The following GPRIN3 variants were observed in gnomAD, a reference collection of about 807,000 sequenced individuals.
The protein encoded by GPRIN3 is G protein-regulated inducer of neurite outgrowth 3.
A neutral mutation model predicts 13.7 loss-of-function variants in GPRIN3; 12 were observed. That is an observed-to-expected ratio of 0.87 (90% confidence interval 0.56 to 1.42). GPRIN3 has a LOEUF of 1.42. GPRIN3 is among the 40% of genes most tolerant of loss of function. The probability of loss-of-function intolerance (pLI) is 0.00; values close to 1 mark genes in which losing one functional copy is unlikely to be tolerated. For synonymous variants in GPRIN3, 377 were observed against 372.7 expected (o/e 1.01, Z -0.13); for missense variants, 1,009 against 958.7 (o/e 1.05, Z -0.69).
chr4:89,238,834 A>G lies in GPRIN3; in HGVS notation c.*8946T>C, dbSNP rs1722850221. ...TTCAATAGCAGTGGAAACAATAATA[A>G]CATCAACAAAAAACAGAATAAATTG... On this transcript the variant is annotated 3_prime_UTR_variant, in exon 2 of 2. Transcript: ENST00000609438. The G allele has an allele frequency of 6.6e-6, 1 of 152,210 alleles. No individual in the cohort carries two copies. Among genetic ancestry groups the G allele is most frequent in the Admixed American group, 6.5e-5 (1 of 15,280 alleles). The allele number at this position is 152,210 out of a possible 1,614,324, so 9.4% of individuals were successfully genotyped here.
At position 89,262,125 on chromosome 4, in the gene GPRIN3, CAAAAAAA is replaced by C. The variant is rs61290252; in HGVS notation, c.-123-11899_-123-11893del. 1.3e-4 allele frequency among the ~76,000 whole-genome samples: 7 copies of C among 53,862 alleles called. No individual in the cohort carries two copies. The East Asian group carries it at 4.0e-3, about 31-fold the overall frequency. The allele number at this position is 53,862 out of a possible 152,430, so 35.3% of individuals were successfully genotyped here. A position where few individuals can be genotyped will look rare whatever the true frequency, so the allele number is the denominator to read the frequency against. On this transcript the variant is annotated intron_variant, in intron 1 of 1. Coordinates refer to ENST00000609438, the MANE Select transcript of GPRIN3 (RefSeq NM_198281.3). The stretch of plus-strand genomic sequence containing the variant: ...TAGATGACGGAGTGAGACCCAGTCT[CAAAAAAA>C]AAAAAAAAAAAAGAATTGATATGGA...
At chr4:89,271,961 T>C (rs1723963272) in intron 1 of GPRIN3, among the ~76,000 whole-genome samples, 1 of 152,126 alleles carries the variant, frequency 6.6e-6, no homozygotes, top group Non-Finnish European at 1.5e-5. Flanking sequence ...TTATTGCTTT[T>C]GTAAAAGAGA....
At position 89,248,589 on chromosome 4, in the gene GPRIN3, C is replaced by A. The variant is rs1306169815; in HGVS notation, c.1522G>T (p.Asp508Tyr). Residue 508 changes from aspartate to tyrosine, a missense_variant, in exon 2 of 2, where the codon GAT (aspartate) becomes TAT (tyrosine). Asp to Tyr is a radical substitution (Grantham distance 160). Transcript: ENST00000609438. ...CCACAAGAGTCAGATAGTTTGCAAT[C>A]TGGGTCTGTTTTGTGGCCGTTTGTC... ...KTTNGHKTDP[D>Y]CKLSDSCGSI... 1 of 1,613,552 alleles carries A rather than the reference C, an allele frequency of 6.2e-7. No homozygotes were observed. Among genetic ancestry groups the A allele is most frequent in the East Asian group, 2.2e-5 (1 of 44,854 alleles).
rs869122962 is a variant in GPRIN3, at chr4:89,281,128, GT to G, written c.-124+26486del. Among the ~76,000 whole-genome samples the G allele has an allele frequency of 2.1e-3, 306 of 143,318 alleles. 1 individual carries two copies. Among genetic ancestry groups the G allele is most frequent in the Non-Finnish European group, 2.2e-3 (142 of 64,894 alleles). 94.0% of individuals were successfully genotyped at this position (143,318 alleles called of 152,430 possible). ...AGAGCAAGGTCCCACATAGTTTCAT[GT>G]TTTTTTTTTTTTAGATAGAGTCTCG... is the stretch of plus-strand genomic sequence containing the variant. On this transcript the variant is annotated intron_variant, in intron 1 of 1. Transcript: ENST00000609438.
chr4:89,262,377 T>A (rs1368043360), intron 1 of GPRIN3, among the ~76,000 whole-genome samples: 1 of 152,064 alleles, frequency 6.6e-6, no homozygotes, highest in Non-Finnish European at 1.5e-5. Flanking sequence ...GGGGACAGAA[T>A]GGATGGAACA....
At chr4:89,279,762 A>C (rs1328769821) in intron 1 of GPRIN3, among the ~76,000 whole-genome samples, 4 of 152,158 alleles carry the variant, frequency 2.6e-5, no homozygotes, top group Non-Finnish European at 5.9e-5. Context: ...TCTCTACAGA[A>C]GTTTCCTCCT....
intron 1 of GPRIN3, among the ~76,000 whole-genome samples, chr4:89,297,957 A>G (rs577875638): frequency 6.6e-6 from 1 of 152,330 alleles, no homozygotes; most frequent in South Asian, 2.1e-4. Flanking sequence ...ATGACAGCAA[A>G]TTATTTATTA....
At chr4:89,298,161 C>A (rs1382939087) in intron 1 of GPRIN3, among the ~76,000 whole-genome samples, 1 of 152,064 alleles carries the variant, frequency 6.6e-6, no homozygotes, top group Non-Finnish European at 1.5e-5. Flanking sequence ...GTACACATAC[C>A]AGCAGACTCT....
At chr4:89,295,435 C>T (rs568906481) in intron 1 of GPRIN3, among the ~76,000 whole-genome samples, 2 of 152,206 alleles carry the variant, frequency 1.3e-5, no homozygotes, top group South Asian at 4.1e-4. Context: ...AGGTCTAGAA[C>T]TCTGTAGCTT....
chr4:89,248,472 T>C lies in GPRIN3; in HGVS notation c.1639A>G (p.Lys547Glu). The C allele has an allele frequency of 6.2e-7, 1 of 1,612,862 alleles. No homozygotes were observed. Among genetic ancestry groups the C allele is most frequent in the Non-Finnish European group, 8.5e-7 (1 of 1,179,536 alleles). ...EKKPASPQVV[K>E]EKESTGTDTS... ...TCAGTGCCAGTAGACTCTTTTTCTTTTACTACCTGAGGAGATGCAGGCTTC... is the reference window on the plus strand; with the variant it reads ...TCAGTGCCAGTAGACTCTTTTTCTTCTACTACCTGAGGAGATGCAGGCTTC... The change falls in exon 2 of 2, where the codon AAA becomes GAA. Residue 547 changes from lysine (K) to glutamate (E), a missense_variant. Transcript: ENST00000609438.
Position 89,250,140 on chromosome 4 carries a change from T to C in GPRIN3, c.-30A>G. ...TTTCTCTTCAGGAGCACTCCAGAGCTCTCTTGAGTACTGGTCCCACTGGTG... is the reference window on the plus strand; with the variant it reads ...TTTCTCTTCAGGAGCACTCCAGAGCCCTCTTGAGTACTGGTCCCACTGGTG... On this transcript the variant is annotated 5_prime_UTR_variant, in exon 2 of 2. Transcript: ENST00000609438. 1 of 1,590,546 alleles carries C rather than the reference T, an allele frequency of 6.3e-7. No individual in the cohort carries two copies. Among genetic ancestry groups the C allele is most frequent in the Non-Finnish European group, 8.6e-7 (1 of 1,167,828 alleles).
intron 1 of GPRIN3, among the ~76,000 whole-genome samples, chr4:89,265,385 T>C (rs1367420815): frequency 6.6e-6 from 1 of 152,204 alleles, no homozygotes. Context: ...TGTAAGCAAC[T>C]GATTACAATA....
chr4:89,253,810 T>A (rs1723394041), intron 1 of GPRIN3, among the ~76,000 whole-genome samples: 1 of 152,148 alleles, frequency 6.6e-6, no homozygotes, highest in Non-Finnish European at 1.5e-5. Flanking sequence ...AGATAACAAA[T>A]CAATACTACT....
chr4:89,286,662 C>G (rs1288743086), intron 1 of GPRIN3, among the ~76,000 whole-genome samples: 2 of 151,790 alleles, frequency 1.3e-5, no homozygotes, highest in Admixed American at 1.3e-4. Context: ...AAACAAGACT[C>G]TCAAAAAAGA....
chr4:89,256,172 C>A (rs1040627906), intron 1 of GPRIN3, among the ~76,000 whole-genome samples: 1 of 151,888 alleles, frequency 6.6e-6, no homozygotes, highest in African/African-American at 2.4e-5. Flanking sequence ...TTAACTGTAA[C>A]CATGAGAAGA....
rs1317757498 is a variant in GPRIN3 at position 89,239,377 on chromosome 4, C to T, written c.*8403G>A. Reference sequence around the variant, plus strand: ...TTCAAAAATAATCACATAAATTTATCTTTGAAGCAACCATAAGTATTGACA... The same window carrying T: ...TTCAAAAATAATCACATAAATTTATTTTTGAAGCAACCATAAGTATTGACA... On this transcript the variant is annotated 3_prime_UTR_variant, in exon 2 of 2. Coordinates refer to ENST00000609438, the MANE Select transcript of GPRIN3 (RefSeq NM_198281.3). The T allele has an allele frequency of 6.6e-6, 1 of 152,064 alleles. No individual in the cohort carries two copies. 9.4% of individuals were successfully genotyped at this position (152,064 alleles called of 1,614,324 possible). A position where few individuals can be genotyped will look rare whatever the true frequency, so the allele number is the denominator to read the frequency against.
chr4:89,269,278 T>C lies in GPRIN3; in HGVS notation c.-123-19045A>G, dbSNP rs537513893. Among the ~76,000 whole-genome samples, 13 of 152,316 alleles carry C rather than the reference T, an allele frequency of 8.5e-5. 1 individual carries two copies. Among genetic ancestry groups the C allele is most frequent in the African/African-American group, 2.6e-4 (11 of 41,572 alleles). ...TTTACAAATTAGATGAATACTTCAA[T>C]TGAGCAATAATGAATTTCTTCAGCA... On this transcript the variant is annotated intron_variant, in intron 1 of 1. Coordinates refer to ENST00000609438, the MANE Select transcript of GPRIN3 (RefSeq NM_198281.3).
intron 1 of GPRIN3, among the ~76,000 whole-genome samples, chr4:89,284,474 C>T (rs1724344504): frequency 6.6e-6 from 1 of 152,088 alleles, no homozygotes; most frequent in South Asian, 2.1e-4. Context: ...CACTTGCCAC[C>T]CAGGAATGAA....
rs4396961 is a variant in GPRIN3 at position 89,242,466 on chromosome 4, G to A, written c.*5314C>T. On this transcript the variant is annotated 3_prime_UTR_variant, in exon 2 of 2. Transcript: ENST00000609438. ...TGGTTGCAGCTGTCTTGAGTTTTAA[G>A]CCAGCAAGACTTTGAGTGGCTCCTC... The A allele has an allele frequency of 0.41, 61,896 of 152,032 alleles. 12,954 individuals carry two copies. Among genetic ancestry groups the A allele is most frequent in the South Asian group, 0.56 (2,685 of 4,818 alleles). The allele number at this position is 152,032 out of a possible 1,614,324, so 9.4% of individuals were successfully genotyped here.
Sources: gnomAD v4.1 joint callset for allele counts (sites outside exome capture counted in the v4.1 genomes callset) on GRCh38, gnomAD v4.1.1 for gene constraint, MANE v1.5 for transcripts, NCBI Gene and HGNC (gene_info 2026-07-23, HGNC 2026-07-21) for gene names.